Variants in MGAT4C observed in about 807,000 individuals in gnomAD.
MGAT4C encodes alpha-1,3-mannosyl-glycoprotein 4-beta-N-acetylglucosaminyltransferase C.
A neutral mutation model predicts 40.1 loss-of-function variants in MGAT4C; 19 were observed. The ratio of observed to expected loss-of-function variants is 0.47; its 90% CI spans 0.33 to 0.70. The LOEUF (loss-of-function observed/expected upper bound fraction) is 0.70. Among genes scored for constraint, MGAT4C ranks in the 30% least tolerant of loss-of-function variants. MGAT4C has a pLI of 0.02. For synonymous variants in MGAT4C, 181 were observed against 187.1 expected (o/e 0.97, Z 0.27); for missense variants, 491 against 563.2 (o/e 0.87, Z 1.30).
At chr12:86,796,277 T>C (rs766609272) in intron 1 of MGAT4C, among the ~76,000 whole-genome samples, 1 of 151,966 alleles carries the variant, frequency 6.6e-6, no homozygotes, top group Non-Finnish European at 1.5e-5. Flanking sequence ...TCCATTTCTT[T>C]ACTAATGCTT....
At chr12:86,769,994 C>T (rs1290160318) in intron 1 of MGAT4C, among the ~76,000 whole-genome samples, 1 of 151,604 alleles carries the variant, frequency 6.6e-6, no homozygotes, top group Admixed American at 6.6e-5. Context: ...CACATGTACC[C>T]TAAAACTGAA....
intron 2 of MGAT4C, among the ~76,000 whole-genome samples, chr12:86,690,233 G>T (rs1950151079): frequency 6.6e-6 from 1 of 152,200 alleles, no homozygotes; most frequent in Non-Finnish European, 1.5e-5. Flanking sequence ...CAAGCCAGTA[G>T]ATCTTAGCTT....
chr12:85,958,986 G>T lies in MGAT4C; in HGVS notation c.*20303C>A, dbSNP rs977139723. ...TGCATAGGGCAGAGGAGGCGATTCA[G>T]TTACTTCTGCTATGTTATTAAATCT... On this transcript the variant is annotated 3_prime_UTR_variant, in exon 5 of 5. Coordinates refer to ENST00000611864, the MANE Select transcript of MGAT4C (RefSeq NM_001351288.2). The T allele has an allele frequency of 6.6e-6, 1 of 151,512 alleles. No homozygotes were observed. Among genetic ancestry groups the T allele is most frequent in the Non-Finnish European group, 1.5e-5 (1 of 67,882 alleles). The allele number at this position is 151,512 out of a possible 1,614,324, so 9.4% of individuals were successfully genotyped here. A position where few individuals can be genotyped will look rare whatever the true frequency, so the allele number is the denominator to read the frequency against.
chr12:86,665,404 C>T (rs7965979), intron 2 of MGAT4C, among the ~76,000 whole-genome samples: 145,038 of 151,860 alleles, frequency 0.96, 69,505 homozygotes, highest in Non-Finnish European at 1. Context: ...TGAGACGGAG[C>T]CTTGCTCTGT....
intron 1 of MGAT4C, among the ~76,000 whole-genome samples, chr12:86,833,040 T>C (rs545886761): frequency 3.9e-5 from 6 of 152,002 alleles, no homozygotes; most frequent in East Asian, 3.9e-4. Context: ...CGGATGTACA[T>C]TGGTAGAAGA....
At position 86,411,491 on chromosome 12, in the gene MGAT4C, G is replaced by C. The variant is rs74916118; in HGVS notation, c.-120+23666C>G. 1.2e-3 allele frequency among the ~76,000 whole-genome samples: 190 copies of C among 152,302 alleles called. 4 individuals carry two copies. The highest frequency in any genetic ancestry group is 4.3e-3 in the African/African-American group (178 of 41,566). ...GGGGTTTGTGGAACTTTGAAATTTA[G>C]AGAGATGATTTAGGTTATCTGGTGT... On this transcript the variant is annotated intron_variant, in intron 3 of 7. Coordinates refer to the MGAT4C transcript ENST00000548651.
chr12:86,545,458 C>T (rs1264388534), intron 2 of MGAT4C, among the ~76,000 whole-genome samples: 1 of 151,636 alleles, frequency 6.6e-6, no homozygotes, highest in Non-Finnish European at 1.5e-5. Flanking sequence ...TTTACATAAC[C>T]ACAGGCTATG....
intron 2 of MGAT4C, among the ~76,000 whole-genome samples, chr12:86,721,027 T>G (rs527711480): frequency 6.6e-6 from 1 of 152,160 alleles, no homozygotes; most frequent in Non-Finnish European, 1.5e-5. Flanking sequence ...CCCAAGTTGG[T>G]GAGAGAAACT....
At chr12:86,554,146 A>G (rs1165275734) in intron 2 of MGAT4C, among the ~76,000 whole-genome samples, 1 of 151,774 alleles carries the variant, frequency 6.6e-6, no homozygotes, top group Non-Finnish European at 1.5e-5. Context: ...ACACACACAC[A>G]CACACACACA....
intron 1 of MGAT4C, among the ~76,000 whole-genome samples, chr12:86,244,327 T>C (rs985959969): frequency 9.2e-5 from 14 of 152,132 alleles, no homozygotes; most frequent in African/African-American, 1.9e-4. Context: ...ACCAACACCA[T>C]TGGGGCAGGA....
chr12:86,052,638 T>C (rs10863155), intron 1 of MGAT4C, among the ~76,000 whole-genome samples: 84,468 of 151,576 alleles, frequency 0.56, 24,311 homozygotes, highest in East Asian at 0.92. Context: ...ACACAAAACA[T>C]GAAAGAAAAT....
upstream of MGAT4C, among the ~76,000 whole-genome samples, chr12:86,256,580 T>G (rs1952526389): frequency 6.6e-6 from 1 of 152,102 alleles, no homozygotes; most frequent in African/African-American, 2.4e-5. Context: ...AATGTTGAGC[T>G]CCTGGGGGAT....
At chr12:86,681,131 T>G (rs958348367) in intron 2 of MGAT4C, among the ~76,000 whole-genome samples, 1 of 151,948 alleles carries the variant, frequency 6.6e-6, no homozygotes, top group African/African-American at 2.4e-5. Flanking sequence ...ATTCTCTCTA[T>G]GTATGGATGC....
intron 2 of MGAT4C, among the ~76,000 whole-genome samples, chr12:86,474,926 T>C (rs1957810641): frequency 1.3e-5 from 2 of 152,102 alleles, no homozygotes; most frequent in South Asian, 4.1e-4. Flanking sequence ...GCACAAAAAG[T>C]ATATGTATAA....
chr12:86,794,288 C>G (rs189867474), intron 1 of MGAT4C, among the ~76,000 whole-genome samples: 42 of 151,638 alleles, frequency 2.8e-4, no homozygotes, highest in African/African-American at 1.0e-3. Context: ...GTTTAATAAT[C>G]TTGCTCAAAT....
chr12:86,109,901 T>C (rs1196531788), intron 1 of MGAT4C, among the ~76,000 whole-genome samples: 2 of 151,800 alleles, frequency 1.3e-5, no homozygotes, highest in Middle Eastern at 3.4e-3. Context: ...GGAGTGGATA[T>C]AACAGGAGAA....
chr12:86,071,079 A>C lies in MGAT4C; in HGVS notation c.-56-21356T>G, dbSNP rs545454695. 5.3e-5 allele frequency among the ~76,000 whole-genome samples: 8 copies of C among 152,212 alleles called. No individual in the cohort carries two copies. In the East Asian group the frequency reaches 1.5e-3, roughly 29 times the overall value. ...ATTACTTTTAAATACAGAGGTAGGC[A>C]ATGGACAATATGACATGGTAAAGCA... On this transcript the variant is annotated intron_variant, in intron 1 of 4. Transcript: ENST00000611864.
At chr12:86,278,202 G>T (rs1463813745) in intron 4 of MGAT4C, among the ~76,000 whole-genome samples, 1 of 48,270 alleles carries the variant, frequency 2.1e-5, no homozygotes, top group East Asian at 7.1e-4. Flanking sequence ...TTTTTAAGAT[G>T]GAGTTTTGAT....
intron 1 of MGAT4C, among the ~76,000 whole-genome samples, chr12:86,162,415 T>A (rs146654083): frequency 6.6e-6 from 1 of 152,006 alleles, no homozygotes; most frequent in African/African-American, 2.4e-5. Context: ...ATACCACATA[T>A]CCTTACTTAC....
Sources: gnomAD v4.1 joint callset for allele counts (sites outside exome capture counted in the v4.1 genomes callset) on GRCh38, gnomAD v4.1.1 for gene constraint, MANE v1.5 for transcripts, NCBI Gene and HGNC (gene_info 2026-07-23, HGNC 2026-07-21) for gene names.